The following TET2 variants were observed in gnomAD, a reference collection of about 807,000 sequenced individuals.
TET2 encodes the protein methylcytosine dioxygenase TET2.
In TET2, 299 loss-of-function variants were observed where a neutral mutation model predicts 142.9. The ratio of observed to expected loss-of-function variants is 2.09; its 90% CI spans 1.90 to 2.30. The LOEUF is 2.30. Among genes scored for constraint, TET2 ranks in the 30% most tolerant of loss-of-function variants. The pLI is 0.00. For missense variants in TET2, 2,418 were observed against 2,378.0 expected, an observed-to-expected ratio of 1.02 and a Z score of -0.35; for synonymous variants, 819 against 849.0, an observed-to-expected ratio of 0.96 and a Z score of 0.61.
In TET2 at chr4:105,241,394, T is replaced by TAATGTGGCAGCTATTAGAGAAATCATGG; in HGVS notation, c.3468_3495dup (p.Glu1166CysfsTer5). 6.4e-7 allele frequency: 1 copy of TAATGTGGCAGCTATTAGAGAAATCATGG among 1,550,958 alleles called. No individual in the cohort carries two copies. Among genetic ancestry groups the TAATGTGGCAGCTATTAGAGAAATCATGG allele is most frequent in the Non-Finnish European group, 8.7e-7 (1 of 1,146,754 alleles). On this transcript the variant is annotated frameshift_variant, in exon 4 of 11. Coordinates refer to ENST00000380013, the MANE Select transcript of TET2 (RefSeq NM_001127208.3). LOFTEE classifies it high-confidence loss of function. ...TTTATACCCATCTAGGAGCAGGTCCTAATGTGGCAGCTATTAGAGAAATCA... is the reference window on the plus strand; with the variant it reads ...TTTATACCCATCTAGGAGCAGGTCCTAATGTGGCAGCTATTAGAGAAATCATGGAATGTGGCAGCTATTAGAGAAATCA...
chr4:105,223,714 G>T (rs1727999526), intron 2 of TET2, among the ~76,000 whole-genome samples: 1 of 152,138 alleles, frequency 6.6e-6, no homozygotes, highest in African/African-American at 2.4e-5. Context: ...TGCCATCTAT[G>T]CAGGAGGTGT....
intron 2 of TET2, chr4:105,190,802 A>T (rs977981283): frequency 3.5e-6 from 1 of 283,818 alleles, no homozygotes; most frequent in Admixed American, 4.8e-5. Flanking sequence ...AACTATAAAC[A>T]TAAGAAAATG....
In TET2 at chr4:105,235,095, T is replaced by C. The variant is rs527901280; in HGVS notation, c.1153T>C (p.Ser385Pro). ...EMNGAYFKQS[S>P]VFTKDSFSAT... ...GAATGGTGCTTACTTCAAGCAAAGC[T>C]CAGTGTTCACTAAGGATTCCTTTTC... The change falls in exon 3 of 11, where the codon TCA (serine) becomes CCA (proline). Residue 385 changes from serine to proline, a missense_variant. Transcript: ENST00000380013. 1 of 1,614,058 alleles carries C rather than the reference T, an allele frequency of 6.2e-7. No individual in the cohort carries two copies. Among genetic ancestry groups the C allele is most frequent in the Non-Finnish European group, 8.5e-7 (1 of 1,179,996 alleles).
At position 105,277,527 on chromosome 4, in the gene TET2, A is replaced by G. The variant is rs1230084066; in HGVS notation, c.*1008A>G. On this transcript the variant is annotated 3_prime_UTR_variant, in exon 11 of 11. Coordinates refer to ENST00000380013, the MANE Select transcript of TET2 (RefSeq NM_001127208.3). ...ATGCAAAGTTGATTTTTTTAAGGAA[A>G]CAAAGAAAGCTTTTAAAATATTTTT... is the stretch of plus-strand genomic sequence containing the variant. 1 of 227,238 alleles carries G rather than the reference A, an allele frequency of 4.4e-6. No individual in the cohort carries two copies. Among genetic ancestry groups the G allele is most frequent in the East Asian group, 6.4e-5 (1 of 15,694 alleles). 14.1% of individuals were successfully genotyped at this position (227,238 alleles called of 1,614,324 possible). A position where few individuals can be genotyped will look rare whatever the true frequency, so the allele number is the denominator to read the frequency against.
At chr4:105,215,576 A>T (rs1241249540) in intron 2 of TET2, among the ~76,000 whole-genome samples, 1 of 152,152 alleles carries the variant, frequency 6.6e-6, no homozygotes, top group Non-Finnish European at 1.5e-5. Flanking sequence ...AAAGATTTAG[A>T]GTTTTGAAAG....
Position 105,241,879 on chromosome 4 carries a change from TAA to T in TET2, c.3500+454_3500+455del. The T allele has an allele frequency of 2.4e-6, 3 of 1,245,642 alleles. No homozygotes were observed. In the South Asian group the frequency reaches 1.2e-4, roughly 51 times the overall value. 77.2% of individuals were successfully genotyped at this position (1,245,642 alleles called of 1,614,324 possible). On this transcript the variant is annotated intron_variant, in intron 4 of 10. Coordinates refer to ENST00000380013, the MANE Select transcript of TET2 (RefSeq NM_001127208.3). ...CTTATCTCTAAGTTTTCTTTTACCA[TAA>T]AAAGAGAGCAAGTGTGATATGTTGA... is the stretch of plus-strand genomic sequence containing the variant.
chr4:105,227,458 A>C (rs1035922399), intron 2 of TET2, among the ~76,000 whole-genome samples: 1 of 152,214 alleles, frequency 6.6e-6, no homozygotes, highest in Admixed American at 6.5e-5. Context: ...CTTATTTGGC[A>C]TGGACTCTTT....
At chr4:105,179,350 G>T (rs542414417) in intron 1 of TET2, among the ~76,000 whole-genome samples, 2 of 152,102 alleles carry the variant, frequency 1.3e-5, no homozygotes, top group Non-Finnish European at 2.9e-5. Context: ...TGTTTGCAAT[G>T]AAGAATCAAC....
At chr4:105,184,930 G>A (rs993612948) in intron 1 of TET2, among the ~76,000 whole-genome samples, 3 of 152,176 alleles carry the variant, frequency 2.0e-5, no homozygotes, top group Admixed American at 6.5e-5. Context: ...CTGGGGCTTT[G>A]AAGAAACATG....
At chr4:105,247,781 G>A (rs1160948228) in intron 6 of TET2, among the ~76,000 whole-genome samples, 2 of 140,220 alleles carry the variant, frequency 1.4e-5, no homozygotes, top group African/African-American at 2.7e-5. Flanking sequence ...GAGTGCAGTG[G>A]CCCAATCTCA....
intron 2 of TET2, among the ~76,000 whole-genome samples, chr4:105,209,168 T>G (rs1353460878): frequency 2.0e-5 from 3 of 148,540 alleles, no homozygotes; most frequent in Middle Eastern, 6.8e-3. Flanking sequence ...AATTTTTTTA[T>G]CCATTCACTT....
In TET2 at chr4:105,235,673, C is replaced by G. The variant is rs777318127; in HGVS notation, c.1731C>G (p.Ser577=). 6.2e-7 allele frequency: 1 copy of G among 1,614,110 alleles called. No individual in the cohort carries two copies. Among genetic ancestry groups the G allele is most frequent in the Admixed American group, 1.7e-5 (1 of 60,014 alleles). The change falls in exon 3 of 11, where the codon TCC becomes TCG. Residue 577 remains serine, a synonymous_variant. Coordinates refer to ENST00000380013, the MANE Select transcript of TET2 (RefSeq NM_001127208.3). ...LKAPRFHQAE[S]HLKRNEASLP... is the part of the protein sequence containing the mutation. ...CCCCTCGTTTTCACCAAGCGGAATCCCATCTAAAACGTAATGAGGCATCAC... is the reference window on the plus strand; with the variant it reads ...CCCCTCGTTTTCACCAAGCGGAATCGCATCTAAAACGTAATGAGGCATCAC...
chr4:105,254,851 A>T (rs954367021), intron 6 of TET2, among the ~76,000 whole-genome samples: 1 of 152,178 alleles, frequency 6.6e-6, no homozygotes, highest in Non-Finnish European at 1.5e-5. Context: ...GAATGTAGAA[A>T]ACTCACAAAA....
intron 7 of TET2, among the ~76,000 whole-genome samples, chr4:105,261,140 T>C (rs1730404161): frequency 6.6e-6 from 1 of 152,048 alleles, no homozygotes; most frequent in South Asian, 2.1e-4. Flanking sequence ...CTAAATATGA[T>C]CACCTACCAT....
chr4:105,276,580 T>C lies in TET2; in HGVS notation c.*61T>C. On this transcript the variant is annotated 3_prime_UTR_variant, in exon 11 of 11. Transcript: ENST00000380013. ...GACCACAACCAACCTGTCAGTAGTA[T>C]AGTTCTCATGACGTGGGCAGTGGGG... 6.7e-7 allele frequency: 1 copy of C among 1,486,882 alleles called. No homozygotes were observed. Among genetic ancestry groups the C allele is most frequent in the Non-Finnish European group, 9.0e-7 (1 of 1,111,174 alleles). The allele number at this position is 1,486,882 out of a possible 1,614,324, so 92.1% of individuals were successfully genotyped here. A position where few individuals can be genotyped will look rare whatever the true frequency, so the allele number is the denominator to read the frequency against.
chr4:105,226,545 G>A (rs1728202620), intron 2 of TET2, among the ~76,000 whole-genome samples: 1 of 151,962 alleles, frequency 6.6e-6, no homozygotes, highest in Non-Finnish European at 1.5e-5. Flanking sequence ...TCCTGATAGT[G>A]AGTTCTCAAG....
In TET2 at chr4:105,237,121, G is replaced by A; in HGVS notation, c.3179G>A (p.Gly1060Glu). Residue 1060 changes from glycine to glutamate, a missense_variant, in exon 3 of 11, where the codon GGG becomes GAG. By Grantham distance (98) the Gly-to-Glu change is moderately conservative (BLOSUM62 -2). Coordinates refer to ENST00000380013, the MANE Select transcript of TET2 (RefSeq NM_001127208.3). ...AAGCAAGTAAAAGTTGAAATGTCAG[G>A]GCCAGTCACAGTTTTGACTAGACAA... Reference protein sequence around the residue: ...SQKQVKVEMSGPVTVLTRQTT... With the variant: ...SQKQVKVEMSEPVTVLTRQTT... 6.2e-7 allele frequency: 1 copy of A among 1,614,042 alleles called. No individual in the cohort carries two copies. Among genetic ancestry groups the A allele is most frequent in the Non-Finnish European group, 8.5e-7 (1 of 1,180,020 alleles).
At position 105,276,554 on chromosome 4, in the gene TET2, A is replaced by C; in HGVS notation, c.*35A>C. 8 of 1,530,572 alleles carry C rather than the reference A, an allele frequency of 5.2e-6. No homozygotes were observed. The highest frequency in any genetic ancestry group is 7.0e-6 in the Non-Finnish European group (8 of 1,135,360). The allele number at this position is 1,530,572 out of a possible 1,614,324, so 94.8% of individuals were successfully genotyped here. A position where few individuals can be genotyped will look rare whatever the true frequency, so the allele number is the denominator to read the frequency against. On this transcript the variant is annotated 3_prime_UTR_variant, in exon 11 of 11. Transcript: ENST00000380013. The stretch of plus-strand genomic sequence containing the variant: ...CTTTTGTTGGTTACCTCACTTGAAA[A>C]GACCACAACCAACCTGTCAGTAGTA...
chr4:105,150,855 G>A (rs939124789), intron 1 of TET2, among the ~76,000 whole-genome samples: 7 of 152,296 alleles, frequency 4.6e-5, no homozygotes, highest in African/African-American at 1.7e-4. Context: ...GGAGGGAAAG[G>A]GGAAAGTCAG....
Sources: gnomAD v4.1 joint callset for allele counts (sites outside exome capture counted in the v4.1 genomes callset) on GRCh38, gnomAD v4.1.1 for gene constraint, MANE v1.5 for transcripts, NCBI Gene and HGNC (gene_info 2026-07-23, HGNC 2026-07-21) for gene names.